Variants in SSBP3 observed in about 807,000 individuals in gnomAD.
The protein encoded by SSBP3 is single-stranded DNA-binding protein 3.
A neutral mutation model predicts 69.6 loss-of-function variants in SSBP3; 5 were observed. The ratio of observed to expected loss-of-function variants is 0.07; its 90% CI spans 0.04 to 0.15. SSBP3 has a LOEUF of 0.15. Ranked by LOEUF, SSBP3 falls within the 10% of genes least tolerant of loss-of-function variation. SSBP3 has a pLI of 1.00. For missense variants in SSBP3, 312 were observed against 534.0 expected (o/e 0.58, Z 4.10); for synonymous variants, 196 against 193.4 (o/e 1.01, Z -0.11).
intron 4 of SSBP3, among the ~76,000 whole-genome samples, chr1:54,368,455 G>A (rs769411405): frequency 2.6e-5 from 4 of 150,964 alleles, no homozygotes; most frequent in Non-Finnish European, 4.4e-5. Context: ...TTGCCAACTG[G>A]ACCCATAGTT....
rs886108467 is a variant in SSBP3 at position 54,258,418 on chromosome 1, G to A, written c.367-269C>T. Among the ~76,000 whole-genome samples, 5 of 152,204 alleles carry A rather than the reference G, an allele frequency of 3.3e-5. No homozygotes were observed. The highest frequency in any genetic ancestry group is 6.5e-5 in the Admixed American group (1 of 15,288). ...TGAAGCACCTCTGTCAAAGCACACG[G>A]GAGTACAGTCCTGGACACAGCCTAC... On this transcript the variant is annotated intron_variant, in intron 5 of 17. Transcript: ENST00000610401. This position sits in a 1 kb window ranked among gnomAD's most constrained non-coding sequence, Gnocchi z 4.5.
intron 4 of SSBP3, among the ~76,000 whole-genome samples, chr1:54,328,783 G>A (rs144578468): frequency 9.1e-4 from 139 of 152,224 alleles, no homozygotes; most frequent in Non-Finnish European, 1.8e-3. Flanking sequence ...AATACCTACC[G>A]GGACCTTAAA....
chr1:54,233,518 C>G (rs1262579725), intron 14 of SSBP3, among the ~76,000 whole-genome samples: 49 of 149,874 alleles, frequency 3.3e-4, no homozygotes, highest in African/African-American at 1.1e-3. Flanking sequence ...CGGCCAGCCG[C>G]CCCGTCCGGG....
intron 13 of SSBP3, among the ~76,000 whole-genome samples, chr1:54,240,044 T>TGG (rs71867917): frequency 1.1e-4 from 14 of 132,548 alleles, no homozygotes; most frequent in Admixed American, 2.2e-4. Flanking sequence ...ATAATTGTGA[T>TGG]GGGGTGTGTG....
intron 4 of SSBP3, among the ~76,000 whole-genome samples, chr1:54,388,395 T>C (rs552344934): frequency 4.8e-4 from 73 of 152,314 alleles, no homozygotes; most frequent in Admixed American, 1.4e-3. Context: ...CCCTATCTTA[T>C]AGAGTGTTAC....
rs376226486 is a variant in SSBP3 at position 54,230,719 on chromosome 1, TTC to T, written c.928-1895_928-1894del. Among the ~76,000 whole-genome samples, 15 of 152,284 alleles carry T rather than the reference TTC, an allele frequency of 9.9e-5. No individual in the cohort carries two copies. In the East Asian group the frequency reaches 2.9e-3, roughly 29 times the overall value. On this transcript the variant is annotated intron_variant, in intron 14 of 17. Transcript: ENST00000610401. ...GGCCCCAGGCAAACACTAATCTACT[TTC>T]TGTCCATGGATTTGCCTATCCTGGA...
chr1:54,291,144 C>T (rs1026306295), intron 4 of SSBP3, among the ~76,000 whole-genome samples: 4 of 140,734 alleles, frequency 2.8e-5, no homozygotes, highest in Admixed American at 7.2e-5. Context: ...GAAAACCACC[C>T]GCTTCTAGAA....
chr1:54,374,255 G>A (rs1353483481), intron 4 of SSBP3, among the ~76,000 whole-genome samples: 1 of 152,210 alleles, frequency 6.6e-6, no homozygotes, highest in Non-Finnish European at 1.5e-5. Context: ...GCGTGTTGGG[G>A]ATCCAGAGAC....
At chr1:54,282,672 C>A (rs1645418808) in intron 4 of SSBP3, among the ~76,000 whole-genome samples, 1 of 152,218 alleles carries the variant, frequency 6.6e-6, no homozygotes, top group South Asian at 2.1e-4. Context: ...TGGGCCCCAG[C>A]CCTGAGGAAG....
chr1:54,318,453 T>G (rs1646153935), intron 4 of SSBP3, among the ~76,000 whole-genome samples: 1 of 152,116 alleles, frequency 6.6e-6, no homozygotes, highest in South Asian at 2.1e-4. Flanking sequence ...TTTTTCTTCT[T>G]AAATCCCCTT....
At chr1:54,341,894 A>G (rs1646614991) in intron 4 of SSBP3, among the ~76,000 whole-genome samples, 1 of 152,140 alleles carries the variant, frequency 6.6e-6, no homozygotes, top group South Asian at 2.1e-4. Context: ...CGCAGAAGGA[A>G]CAGCATGTGC....
intron 7 of SSBP3, among the ~76,000 whole-genome samples, chr1:54,252,754 GAGT>G (rs772575394): frequency 6.6e-6 from 1 of 152,274 alleles, no homozygotes; most frequent in African/African-American, 2.4e-5. Flanking sequence ...TGGAAAAAGA[GAGT>G]AGGAGTTGCT....
chr1:54,397,744 G>A (rs1041612893), intron 4 of SSBP3, among the ~76,000 whole-genome samples: 2 of 152,274 alleles, frequency 1.3e-5, no homozygotes, highest in East Asian at 1.9e-4. Context: ...CCTGGGGTTG[G>A]AGCAGCTGTC....
At chr1:54,369,221 G>GA (rs1043753914) in intron 4 of SSBP3, among the ~76,000 whole-genome samples, 3 of 150,516 alleles carry the variant, frequency 2.0e-5, no homozygotes, top group Admixed American at 1.3e-4. Flanking sequence ...CTTGAGTCGG[G>GA]GGGGGGGCCC....
chr1:54,231,718 G>A (rs190784062), intron 14 of SSBP3, among the ~76,000 whole-genome samples: 3 of 151,878 alleles, frequency 2.0e-5, no homozygotes, highest in African/African-American at 4.8e-5. Context: ...TTTTTGAGAC[G>A]GGTTCTCACT....
chr1:54,336,316 A>G (rs1646507044), intron 4 of SSBP3, among the ~76,000 whole-genome samples: 1 of 152,026 alleles, frequency 6.6e-6, no homozygotes, highest in Admixed American at 6.5e-5. Flanking sequence ...ACGTTGGGGG[A>G]CTCACCGGAA....
intron 4 of SSBP3, among the ~76,000 whole-genome samples, chr1:54,337,556 G>C (rs1327568142): frequency 2.2e-5 from 3 of 134,130 alleles, no homozygotes; most frequent in African/African-American, 8.9e-5. Flanking sequence ...GGAGTGCAGT[G>C]GCACCATCTC....
chr1:54,293,895 G>C (rs1203005812), intron 4 of SSBP3, among the ~76,000 whole-genome samples: 1 of 152,138 alleles, frequency 6.6e-6, no homozygotes, highest in Non-Finnish European at 1.5e-5. Flanking sequence ...CCAGCACTCT[G>C]GGAGGCTGAG....
At chr1:54,228,029 G>A (rs1290705172) in intron 17 of SSBP3, among the ~76,000 whole-genome samples, 2 of 152,166 alleles carry the variant, frequency 1.3e-5, no homozygotes, top group Non-Finnish European at 2.9e-5. Flanking sequence ...AGTGCCAGAG[G>A]CATCCAGCCT....
Sources: gnomAD v4.1 joint callset for allele counts (sites outside exome capture counted in the v4.1 genomes callset) on GRCh38, gnomAD v4.1.1 for gene constraint, Gnocchi (gnomAD v3.1) non-coding constraint, MANE v1.5 for transcripts, NCBI Gene and HGNC (gene_info 2026-07-23, HGNC 2026-07-21) for gene names.